SFMBT2: variants seen among roughly 807,000 people sequenced by gnomAD.
The protein encoded by SFMBT2 is Scm like with four mbt domains 2.
In SFMBT2, 38 loss-of-function variants were observed where a neutral mutation model predicts 110.1. The ratio of observed to expected loss-of-function variants is 0.35; its 90% CI spans 0.27 to 0.45. The LOEUF is 0.45. Ranked by LOEUF, SFMBT2 falls within the 20% of genes least tolerant of loss-of-function variation. SFMBT2 has a pLI of 1.00. For missense variants in SFMBT2, 1,011 were observed against 1,094.9 expected (o/e 0.92, Z 1.08); for synonymous variants, 425 against 425.4 (o/e 1.00, Z 0.01).
At chr10:7,234,384 T>C (rs535057475) in intron 9 of SFMBT2, among the ~76,000 whole-genome samples, 256 of 152,362 alleles carry the variant, frequency 1.7e-3, no homozygotes, top group African/African-American at 5.9e-3. Flanking sequence ...CTACATGTTA[T>C]TCTGAATTAT....
chr10:7,285,729 A>G, intron 5 of SFMBT2, 137 bp downstream of exon 5: 1 of 672,394 alleles, frequency 1.5e-6, no homozygotes. Flanking sequence ...ACAAAAGAGG[A>G]AGGGAGGCTA....
At chr10:7,228,728 TTTCTTTCCTTTCTCTCTCTC>T (rs1564395303) in intron 9 of SFMBT2, among the ~76,000 whole-genome samples, 44 of 84,102 alleles carry the variant, frequency 5.2e-4, no homozygotes, top group Non-Finnish European at 9.2e-4. Context: ...TCTTTCTTTC[TTTCTTTCCTTTCTCTCTCTC>T]TCTCTCTCTC....
At chr10:7,268,387 A>G (rs1588401207) in intron 7 of SFMBT2, among the ~76,000 whole-genome samples, 2 of 152,216 alleles carry the variant, frequency 1.3e-5, no homozygotes, top group African/African-American at 2.4e-5. Flanking sequence ...CAAAAATAAA[A>G]AGCTTTTATG....
chr10:7,223,389 T>G (rs1389389568), intron 10 of SFMBT2, among the ~76,000 whole-genome samples: 1 of 152,226 alleles, frequency 6.6e-6, no homozygotes, highest in Non-Finnish European at 1.5e-5. Context: ...TGACTACTGA[T>G]GCTGAGCATG....
At chr10:7,405,510 C>T (rs564622376) in intron 1 of SFMBT2, among the ~76,000 whole-genome samples, 1 of 152,334 alleles carries the variant, frequency 6.6e-6, no homozygotes, top group African/African-American at 2.4e-5. Flanking sequence ...CTTTACTCTG[C>T]AGCAGGGACC....
At position 7,373,966 on chromosome 10, in the gene SFMBT2, C is replaced by G. The variant is rs141286010; in HGVS notation, c.101-3591G>C. Among the ~76,000 whole-genome samples, 763 of 152,180 alleles carry G rather than the reference C, an allele frequency of 5.0e-3. 4 individuals are homozygous for G. The highest frequency in any genetic ancestry group is 0.018 in the African/African-American group (732 of 41,544). On this transcript the variant is annotated intron_variant, in intron 2 of 20. Coordinates refer to ENST00000397167, the MANE Select transcript of SFMBT2 (RefSeq NM_001387889.1). ...CTGGGTGACTCCTTCCTGCAAATCACAAACATGCAAATCGAGGCTGGGCGC... is the reference window on the plus strand; with the variant it reads ...CTGGGTGACTCCTTCCTGCAAATCAGAAACATGCAAATCGAGGCTGGGCGC...
At position 7,363,948 on chromosome 10, in the gene SFMBT2, C is replaced by T. The variant is rs115357930; in HGVS notation, c.436+3701G>A. ...AACTCCTGTTCATATTCTGCGGTGC[C>T]TTTCAAGTTTAACCACAGCAAAGAT... On this transcript the variant is annotated intron_variant, in intron 4 of 20. Coordinates refer to ENST00000397167, the MANE Select transcript of SFMBT2 (RefSeq NM_001387889.1). 5.9e-3 allele frequency among the ~76,000 whole-genome samples: 898 copies of T among 152,184 alleles called. 13 individuals carry two copies. Among genetic ancestry groups the T allele is most frequent in the African/African-American group, 0.02 (838 of 41,554 alleles).
In SFMBT2 at chr10:7,392,619, A is replaced by G. The variant is rs902806857; in HGVS notation, c.-51-10670T>C. 5.3e-5 allele frequency among the ~76,000 whole-genome samples: 8 copies of G among 152,108 alleles called. No homozygotes were observed. The East Asian group carries it at 1.5e-3, about 29-fold the overall frequency. On this transcript the variant is annotated intron_variant, in intron 1 of 20. Coordinates refer to ENST00000397167, the MANE Select transcript of SFMBT2 (RefSeq NM_001387889.1). ...TAAACTACGTTGGTATCTGTGATGGATTTTTAAGAGATCTAGATTATTTTA... is the reference window on the plus strand; with the variant it reads ...TAAACTACGTTGGTATCTGTGATGGGTTTTTAAGAGATCTAGATTATTTTA...
At chr10:7,327,084 T>G (rs984637402) in intron 4 of SFMBT2, among the ~76,000 whole-genome samples, 1 of 149,788 alleles carries the variant, frequency 6.7e-6, no homozygotes, top group Non-Finnish European at 1.5e-5. Context: ...CTTCCCTTCA[T>G]GTCACTCTAA....
At chr10:7,350,477 C>T (rs894993800) in intron 4 of SFMBT2, among the ~76,000 whole-genome samples, 4 of 152,230 alleles carry the variant, frequency 2.6e-5, no homozygotes, top group African/African-American at 4.8e-5. Context: ...TCCTCTCCCA[C>T]GCTTTAGTGC....
At chr10:7,211,813 A>G (rs2762592) in intron 11 of SFMBT2, among the ~76,000 whole-genome samples, 89,233 of 152,008 alleles carry the variant, frequency 0.59, 26,554 homozygotes, top group East Asian at 0.87. Context: ...ATGCATAGTA[A>G]CTACCTGACT....
chr10:7,214,066 C>CAGGAAAGGGCAAGCATTGCCACA (rs144646247), intron 11 of SFMBT2, among the ~76,000 whole-genome samples: 3 of 151,882 alleles, frequency 2.0e-5, no homozygotes, highest in Admixed American at 6.6e-5. Flanking sequence ...GAGGAGCAAC[C>CAGGAAAGGGCAAGCATTGCCACA]AGGAAAGGAG....
chr10:7,367,349 A>AAAAGG lies in SFMBT2; in HGVS notation c.436+299_436+300insCCTTT. Among the ~76,000 whole-genome samples, 1 of 144,414 alleles carries AAAAGG rather than the reference A, an allele frequency of 6.9e-6. No homozygotes were observed. The highest frequency in any genetic ancestry group is 1.5e-5 in the Non-Finnish European group (1 of 66,960). The allele number at this position is 144,414 out of a possible 152,430, so 94.7% of individuals were successfully genotyped here. A position where few individuals can be genotyped will look rare whatever the true frequency, so the allele number is the denominator to read the frequency against. On this transcript the variant is annotated intron_variant, in intron 4 of 20. Transcript: ENST00000397167. The surrounding 1 kb of genome is among the most constrained non-coding windows in gnomAD (Gnocchi z 6.2). Reference sequence around the variant, plus strand: ...TTTCAGCCTTCCTTTCTTACCCTCCAATTCCTGATGTCCTTTCAGCCTTCC... The same window carrying AAAAGG: ...TTTCAGCCTTCCTTTCTTACCCTCCAAAAGGATTCCTGATGTCCTTTCAGCCTTCC...
intron 4 of SFMBT2, among the ~76,000 whole-genome samples, chr10:7,359,080 A>T (rs539440375): frequency 6.6e-6 from 1 of 152,268 alleles, no homozygotes; most frequent in African/African-American, 2.4e-5. Context: ...GTGGAGGTGG[A>T]GGGGGAATAA....
chr10:7,176,279 G>A (rs750814393), intron 16 of SFMBT2, 114 bp from the exon 17 acceptor site: 48 of 1,168,084 alleles, frequency 4.1e-5, no homozygotes, highest in Non-Finnish European at 5.4e-5. Flanking sequence ...AAAGCATATC[G>A]CGTGCAGTTT....
At chr10:7,262,128 C>T (rs1841224456) in intron 7 of SFMBT2, among the ~76,000 whole-genome samples, 1 of 152,234 alleles carries the variant, frequency 6.6e-6, no homozygotes, top group South Asian at 2.1e-4. Context: ...GAAGCTCAAA[C>T]TTCTCTTTAC....
intron 7 of SFMBT2, among the ~76,000 whole-genome samples, chr10:7,262,000 T>A (rs1204634520): frequency 1.3e-5 from 2 of 152,106 alleles, no homozygotes; most frequent in Admixed American, 1.3e-4. Flanking sequence ...GGGGCAGGGG[T>A]GACAGCGCTG....
At chr10:7,349,287 C>G (rs898259892) in intron 4 of SFMBT2, among the ~76,000 whole-genome samples, 2 of 152,078 alleles carry the variant, frequency 1.3e-5, no homozygotes, top group African/African-American at 2.4e-5. Flanking sequence ...CTGCCCAACT[C>G]TACAGCCCCC....
intron 4 of SFMBT2, among the ~76,000 whole-genome samples, chr10:7,349,071 A>G (rs1380298328): frequency 6.6e-6 from 1 of 152,338 alleles, no homozygotes; most frequent in East Asian, 1.9e-4. Context: ...TCTCACTCCC[A>G]GGTCTCATGA....
Sources: gnomAD v4.1 joint callset for allele counts (sites outside exome capture counted in the v4.1 genomes callset) on GRCh38, gnomAD v4.1.1 for gene constraint, Gnocchi (gnomAD v3.1) non-coding constraint, MANE v1.5 for transcripts, NCBI Gene and HGNC (gene_info 2026-07-23, HGNC 2026-07-21) for gene names.